The following SLC39A8 variants were observed in gnomAD, a reference collection of about 807,000 sequenced individuals.
SLC39A8 encodes the protein solute carrier family 39 member 8.
Under a neutral mutation model 40.4 loss-of-function variants are expected in SLC39A8, and 15 were observed. The observed-to-expected ratio is 0.37, with a 90% CI of 0.25 to 0.57. The LOEUF (loss-of-function observed/expected upper bound fraction) is 0.57, where lower values mean the gene tolerates loss of function less well. Among genes scored for constraint, SLC39A8 ranks in the 20% least tolerant of loss-of-function variants. SLC39A8 has a pLI of 0.75. For missense variants in SLC39A8, 472 were observed against 558.8 expected (o/e 0.84, Z 1.57); for synonymous variants, 223 against 221.6 (o/e 1.01, Z -0.06).
intron 8 of SLC39A8, among the ~76,000 whole-genome samples, chr4:102,264,320 T>C (rs1215588788): frequency 6.6e-6 from 1 of 152,202 alleles, no homozygotes; most frequent in East Asian, 1.9e-4. Flanking sequence ...TCTTAGGTGA[T>C]TTGATGCACT....
chr4:102,262,923 TG>T lies in SLC39A8; in HGVS notation c.*120del, dbSNP rs1560523966. On this transcript the variant is annotated 3_prime_UTR_variant, in exon 9 of 9. Transcript: ENST00000356736. ...AGACTGATGCCAATAATTAGTTTTC[TG>T]GACCTACAGTTGAAAGCAAAATTAT... 7.0e-7 allele frequency: 1 copy of T among 1,424,374 alleles called. No homozygotes were observed. Among genetic ancestry groups the T allele is most frequent in the Non-Finnish European group, 9.2e-7 (1 of 1,092,684 alleles). The allele number at this position is 1,424,374 out of a possible 1,614,324, so 88.2% of individuals were successfully genotyped here.
chr4:102,274,800 A>G (rs1051791404), intron 6 of SLC39A8, among the ~76,000 whole-genome samples: 1 of 152,334 alleles, frequency 6.6e-6, no homozygotes, highest in East Asian at 1.9e-4. Flanking sequence ...CCAATATTCA[A>G]CATTCTTAAA....
chr4:102,261,646 AT>A (rs1731863165), downstream of SLC39A8: 1 of 943,708 alleles, frequency 1.1e-6, no homozygotes, highest in Non-Finnish European at 1.3e-6. Flanking sequence ...CAAATATTAA[AT>A]AACAAATGAC....
chr4:102,280,133 G>A (rs972511648), intron 6 of SLC39A8, among the ~76,000 whole-genome samples: 3 of 152,188 alleles, frequency 2.0e-5, no homozygotes, highest in Non-Finnish European at 2.9e-5. Flanking sequence ...CACAACTAAA[G>A]ATCACTGTTC....
chr4:102,303,367 CTTAGA>C (rs1453426067), intron 6 of SLC39A8, among the ~76,000 whole-genome samples: 3 of 151,946 alleles, frequency 2.0e-5, no homozygotes, highest in Non-Finnish European at 4.4e-5. Context: ...CCTCTAAGCA[CTTAGA>C]TTAGTCTAGA....
At chr4:102,256,393 A>G (rs1731709699) in intron 11 of SLC39A8, among the ~76,000 whole-genome samples, 1 of 152,206 alleles carries the variant, frequency 6.6e-6, no homozygotes, top group African/African-American at 2.4e-5. Context: ...CCCTATCTAG[A>G]AATCTATGTC....
At chr4:102,307,096 A>AAAATAAAT (rs138932687) in intron 4 of SLC39A8, among the ~76,000 whole-genome samples, 8 of 151,756 alleles carry the variant, frequency 5.3e-5, no homozygotes, top group Non-Finnish European at 8.8e-5. Flanking sequence ...GCTCTTTAGA[A>AAAATAAAT]AAATAAATAA....
At chr4:102,265,679 A>G (rs1273995990) in intron 8 of SLC39A8, among the ~76,000 whole-genome samples, 1 of 152,212 alleles carries the variant, frequency 6.6e-6, no homozygotes, top group Non-Finnish European at 1.5e-5. Flanking sequence ...TGGTATGATC[A>G]TTTACTTTGG....
chr4:102,340,951 AG>A (rs1269763847), intron 2 of SLC39A8, among the ~76,000 whole-genome samples: 2 of 152,228 alleles, frequency 1.3e-5, no homozygotes, highest in East Asian at 1.9e-4. Context: ...GTTGAGCAAA[AG>A]CTTATGGGAA....
At chr4:102,332,852 T>C (rs1438782574) in intron 2 of SLC39A8, among the ~76,000 whole-genome samples, 3 of 152,220 alleles carry the variant, frequency 2.0e-5, no homozygotes, top group Non-Finnish European at 4.4e-5. Context: ...AAGGATGAGT[T>C]CATGTCATTT....
At chr4:102,305,382 C>T (rs940749442) in intron 4 of SLC39A8, among the ~76,000 whole-genome samples, 2 of 151,940 alleles carry the variant, frequency 1.3e-5, no homozygotes, top group African/African-American at 2.4e-5. Context: ...ACACCTACAG[C>T]AATATTTGCC....
At chr4:102,327,117 C>T (rs1481762613) in intron 2 of SLC39A8, among the ~76,000 whole-genome samples, 10 of 152,034 alleles carry the variant, frequency 6.6e-5, no homozygotes, top group Non-Finnish European at 2.9e-5. Flanking sequence ...TAAAAATTAG[C>T]TAAGCATGAT....
rs553776282 is a variant in SLC39A8 at position 102,277,647 on chromosome 4, T to A, written c.841-9568A>T. Among the ~76,000 whole-genome samples, 6 of 152,264 alleles carry A rather than the reference T, an allele frequency of 3.9e-5. No homozygotes were observed. In the South Asian group the frequency reaches 1.2e-3, roughly 32 times the overall value. On this transcript the variant is annotated intron_variant, in intron 6 of 8. Coordinates refer to ENST00000356736, the MANE Select transcript of SLC39A8 (RefSeq NM_001135146.2). The stretch of plus-strand genomic sequence containing the variant: ...TAGAAAAAAACTACTTTAAATTTCT[T>A]ATAGAACCAAAAAAGAGCCTGTATA...
At chr4:102,312,669 T>A (rs1263881067) in intron 3 of SLC39A8, among the ~76,000 whole-genome samples, 1 of 152,166 alleles carries the variant, frequency 6.6e-6, no homozygotes, top group Non-Finnish European at 1.5e-5. Context: ...GCACGTTAGA[T>A]GTAGTTATTT....
chr4:102,256,673 G>T (rs1163805349), downstream of SLC39A8, among the ~76,000 whole-genome samples: 1 of 152,122 alleles, frequency 6.6e-6, no homozygotes, highest in East Asian at 1.9e-4. Flanking sequence ...TGCTTTCAGT[G>T]AGCAGCAACT....
chr4:102,307,410 C>T (rs1734228126), intron 4 of SLC39A8, 26 bp downstream of exon 4: 1 of 1,604,498 alleles, frequency 6.2e-7, no homozygotes, highest in African/African-American at 1.4e-5. Context: ...CAATTATTCA[C>T]AGAAACAAAT....
chr4:102,344,468 C>G lies in SLC39A8; in HGVS notation c.195G>C (p.Glu65Asp). ...MGAASRVGVP[E>D]PGQLHFNQCL... Reference sequence around the variant, plus strand: ...CCTGGTTGAAGTGCAGCTGGCCAGGCTCCGGGACGCCCACGCGGGAGGCGG... The same window carrying G: ...CCTGGTTGAAGTGCAGCTGGCCAGGGTCCGGGACGCCCACGCGGGAGGCGG... Residue 65 changes from glutamate to aspartate, a missense_variant, in exon 2 of 9, where the codon GAG (glutamate) becomes GAC (aspartate). This residue lies in a region of SLC39A8 where 175 missense variants were observed against 160.5 expected (regional missense o/e 1.09). Coordinates refer to ENST00000356736, the MANE Select transcript of SLC39A8 (RefSeq NM_001135146.2). The G allele has an allele frequency of 6.5e-7, 1 of 1,544,930 alleles. No homozygotes were observed. The highest frequency in any genetic ancestry group is 8.7e-7 in the Non-Finnish European group (1 of 1,144,784).
Position 102,262,595 on chromosome 4 carries a change from T to C in SLC39A8, c.*449A>G. ...TTGCATACATTTTACCTTCTACATTTTGATGTACTTGCTCTTGAAAGCACT... is the reference window on the plus strand; with the variant it reads ...TTGCATACATTTTACCTTCTACATTCTGATGTACTTGCTCTTGAAAGCACT... On this transcript the variant is annotated 3_prime_UTR_variant, in exon 9 of 9. Coordinates refer to ENST00000356736, the MANE Select transcript of SLC39A8 (RefSeq NM_001135146.2). 2 of 985,428 alleles carry C rather than the reference T, an allele frequency of 2.0e-6. No homozygotes were observed. Among genetic ancestry groups the C allele is most frequent in the Non-Finnish European group, 1.2e-6 (1 of 829,740 alleles). The allele number at this position is 985,428 out of a possible 1,614,324, so 61.0% of individuals were successfully genotyped here. A position where few individuals can be genotyped will look rare whatever the true frequency, so the allele number is the denominator to read the frequency against.
intron 8 of SLC39A8, among the ~76,000 whole-genome samples, chr4:102,266,334 C>T (rs1732094262): frequency 6.6e-6 from 1 of 151,948 alleles, no homozygotes; most frequent in Admixed American, 6.5e-5. Flanking sequence ...AATTTTGTGA[C>T]AAAAGTTATA....
Sources: allele counts gnomAD v4.1 joint callset (sites outside exome capture counted in the v4.1 genomes callset), GRCh38; gene constraint gnomAD v4.1.1; regional missense constraint gnomAD v4.1.1; transcripts MANE v1.5; gene names NCBI Gene and HGNC (gene_info 2026-07-23, HGNC 2026-07-21).